The following DNAAF9 variants were observed in gnomAD, a reference collection of about 807,000 sequenced individuals.
DNAAF9 encodes dynein axonemal assembly factor 9.
In DNAAF9, 90 loss-of-function variants were observed where a neutral mutation model predicts 167.0. The observed-to-expected ratio is 0.54, with a 90% CI of 0.45 to 0.64. DNAAF9 has a LOEUF of 0.64. DNAAF9 is among the 30% of genes least tolerant of loss of function. DNAAF9 has a pLI of 0.00. For missense variants in DNAAF9, 1,315 were observed against 1,442.2 expected, an observed-to-expected ratio of 0.91 and a Z score of 1.43; for synonymous variants, 491 against 508.8, an observed-to-expected ratio of 0.96 and a Z score of 0.47.
At chr20:3,337,587 G>T (rs938601284) in intron 10 of DNAAF9, among the ~76,000 whole-genome samples, 5 of 152,054 alleles carry the variant, frequency 3.3e-5, no homozygotes, top group African/African-American at 1.2e-4. Context: ...TTCTGTTAGT[G>T]CTGGCACTGA....
chr20:3,319,098 A>AG (rs1310231669), intron 16 of DNAAF9, among the ~76,000 whole-genome samples: 2 of 128,524 alleles, frequency 1.6e-5, no homozygotes, highest in African/African-American at 6.0e-5. Context: ...AAAAAAAAAA[A>AG]AAAAAAGAAA....
In DNAAF9 at chr20:3,250,571, G is replaced by A. The variant is rs778899831; in HGVS notation, c.*2001C>T. ...CTCTAAGAGGAGAGGAGTTGGGACA[G>A]TGGGGCAAGTTGGTGAGAGAGCATT... On this transcript the variant is annotated 3_prime_UTR_variant, in exon 37 of 37. Coordinates refer to ENST00000252032, the MANE Select transcript of DNAAF9 (RefSeq NM_001009984.3). 1 of 152,268 alleles carries A rather than the reference G, an allele frequency of 6.6e-6. No individual in the cohort carries two copies. Among genetic ancestry groups the A allele is most frequent in the Non-Finnish European group, 1.5e-5 (1 of 68,058 alleles). The allele number at this position is 152,268 out of a possible 1,614,324, so 9.4% of individuals were successfully genotyped here.
chr20:3,395,543 G>A (rs1488030920), intron 1 of DNAAF9, among the ~76,000 whole-genome samples: 2 of 152,140 alleles, frequency 1.3e-5, no homozygotes, highest in East Asian at 3.9e-4. Flanking sequence ...GCCTCCTAAA[G>A]TGCTGGGGTT....
chr20:3,307,543 C>G (rs1227968521), intron 20 of DNAAF9, among the ~76,000 whole-genome samples: 7 of 151,990 alleles, frequency 4.6e-5, no homozygotes, highest in Admixed American at 3.9e-4. Flanking sequence ...TCACAGGGGC[C>G]AGGGCAGCCA....
In DNAAF9 at chr20:3,290,106, G is replaced by A. The variant is rs187593693; in HGVS notation, c.2327+23C>T. 3.1e-5 allele frequency: 47 copies of A among 1,503,916 alleles called. No individual in the cohort carries two copies. In the African/African-American group the frequency reaches 6.2e-4, roughly 20 times the overall value. The allele number at this position is 1,503,916 out of a possible 1,614,324, so 93.2% of individuals were successfully genotyped here. On this transcript the variant is annotated intron_variant, in intron 26 of 36. Transcript: ENST00000252032. ...CCAAGTTAGAATCCCTTTCCCCAAA[G>A]CAAAGGCATCAGCCATACTAACCTG...
chr20:3,277,082 C>T (rs148054555), intron 29 of DNAAF9, among the ~76,000 whole-genome samples: 2 of 152,166 alleles, frequency 1.3e-5, no homozygotes, highest in East Asian at 3.9e-4. Context: ...ATTCTCTAGC[C>T]ATCTTCCTTT....
chr20:3,328,147 C>T (rs1484286944), intron 12 of DNAAF9, among the ~76,000 whole-genome samples: 4 of 151,124 alleles, frequency 2.6e-5, no homozygotes, highest in Non-Finnish European at 5.9e-5. Flanking sequence ...GCCACATGGC[C>T]GCTGACCCAT....
In DNAAF9 at chr20:3,270,540, G is replaced by A. The variant is rs2068575362; in HGVS notation, c.2673C>T (p.Phe891=). 1 of 1,612,478 alleles carries A rather than the reference G, an allele frequency of 6.2e-7. No homozygotes were observed. Among genetic ancestry groups the A allele is most frequent in the South Asian group, 1.1e-5 (1 of 91,014 alleles). Residue 891 remains phenylalanine (F), a synonymous_variant, in exon 30 of 37, where the codon TTC becomes TTT. Coordinates refer to ENST00000252032, the MANE Select transcript of DNAAF9 (RefSeq NM_001009984.3). ...GCCGCTGCTCCGTGGTGTGACTGGTGAATACCACGTTACTCACCAGGCCTG... is the reference window on the plus strand; with the variant it reads ...GCCGCTGCTCCGTGGTGTGACTGGTAAATACCACGTTACTCACCAGGCCTG... The part of the protein sequence containing the change: ...CSQGLVSNVV[F]TSHTTEQRHP...
chr20:3,368,104 T>G (rs896461409), intron 6 of DNAAF9, among the ~76,000 whole-genome samples: 3 of 98,060 alleles, frequency 3.1e-5, no homozygotes, highest in Non-Finnish European at 6.7e-5. Context: ...ACCACACACA[T>G]GACTGCACTG....
chr20:3,281,535 A>G (rs17698336), intron 28 of DNAAF9, 106 bp downstream of exon 28: 108,123 of 1,063,662 alleles, frequency 0.1, 6,258 homozygotes, highest in Middle Eastern at 0.13. Context: ...AAAGAACAGC[A>G]TTTACTACAT....
At position 3,290,185 on chromosome 20, in the gene DNAAF9, G is replaced by A. The variant is rs2068926260; in HGVS notation, c.2271C>T (p.Gly757=). 6 of 1,612,760 alleles carry A rather than the reference G, an allele frequency of 3.7e-6. No homozygotes were observed. The East Asian group carries it at 1.3e-4, about 36-fold the overall frequency. The change falls in exon 26 of 37, where the codon GGC becomes GGT. Residue 757 remains glycine, a synonymous_variant. Coordinates refer to ENST00000252032, the MANE Select transcript of DNAAF9 (RefSeq NM_001009984.3). ...VIISIVTGLP[G]CHASELCAFL... ...AAGCACAGAGCTCGCTAGCGTGACA[G>A]CCTGGGAGGCCGGTTACAATGCTGA...
At chr20:3,381,696 C>G (rs1377641895) in intron 2 of DNAAF9, among the ~76,000 whole-genome samples, 198 bp from the exon 3 acceptor site, 1 of 152,160 alleles carries the variant, frequency 6.6e-6, no homozygotes, top group African/African-American at 2.4e-5. Flanking sequence ...TGAATTCCAA[C>G]GTCTTGTAAT....
Position 3,371,504 on chromosome 20 carries a change from C to T in DNAAF9, c.612+2544G>A, listed in dbSNP as rs368836922. On this transcript the variant is annotated intron_variant, in intron 6 of 36. Transcript: ENST00000252032. ...GACTACAGGCGCCTGCCACCACGCC[C>T]GGCTAATTTTTTGTATTTTTAGTAG... is the stretch of plus-strand genomic sequence containing the variant. 5.5e-3 allele frequency among the ~76,000 whole-genome samples: 831 copies of T among 151,792 alleles called. 2 individuals carry two copies. Among genetic ancestry groups the T allele is most frequent in the Middle Eastern group, 6.8e-3 (2 of 294 alleles).
intron 30 of DNAAF9, among the ~76,000 whole-genome samples, chr20:3,267,829 T>C (rs1290565767): frequency 2.0e-5 from 3 of 152,142 alleles, no homozygotes; most frequent in South Asian, 2.1e-4. Flanking sequence ...AGCAAGACTC[T>C]GTCTAAATAA....
Position 3,315,192 on chromosome 20 carries a change from C to A in DNAAF9, c.1591-72G>T. On this transcript the variant is annotated intron_variant, in intron 19 of 36. Transcript: ENST00000252032. The surrounding 1 kb of genome is among the most constrained non-coding windows in gnomAD (Gnocchi z 4.1). The stretch of plus-strand genomic sequence containing the variant: ...TTTATAGCATAAATATTCACAGAAT[C>A]AAAAGTCCTGCCCAATTATGTCCGT... 1.1e-6 allele frequency: 1 copy of A among 947,734 alleles called. No homozygotes were observed. The highest frequency in any genetic ancestry group is 1.3e-5 in the South Asian group (1 of 76,428). 58.7% of individuals were successfully genotyped at this position (947,734 alleles called of 1,614,324 possible).
chr20:3,264,973 T>C (rs1352118455), intron 30 of DNAAF9, among the ~76,000 whole-genome samples: 1 of 152,214 alleles, frequency 6.6e-6, no homozygotes, highest in Non-Finnish European at 1.5e-5. Flanking sequence ...GCTGTACTCA[T>C]CATGATATTT....
At chr20:3,392,668 CA>C (rs1301611793) in intron 1 of DNAAF9, among the ~76,000 whole-genome samples, 4 of 152,302 alleles carry the variant, frequency 2.6e-5, no homozygotes, top group African/African-American at 9.6e-5. Flanking sequence ...GCTTTTATAA[CA>C]ACTGTGCATG....
At chr20:3,402,222 A>C (rs1568652289) in intron 1 of DNAAF9, among the ~76,000 whole-genome samples, 2 of 152,210 alleles carry the variant, frequency 1.3e-5, no homozygotes, top group Non-Finnish European at 2.9e-5. Context: ...TCATGGTGCT[A>C]GAAAATTTCA....
Position 3,294,677 on chromosome 20 carries a change from T to G in DNAAF9, c.2019-48A>C. ...ATTAGAAGTCCATCTTCCTTCAGCA[T>G]ATACACTTTACACAACTGGGCCTGA... is the stretch of plus-strand genomic sequence containing the variant. On this transcript the variant is annotated intron_variant, in intron 23 of 36. Transcript: ENST00000252032. 3 of 1,242,338 alleles carry G rather than the reference T, an allele frequency of 2.4e-6. No individual in the cohort carries two copies. In the East Asian group the frequency reaches 7.0e-5, roughly 29 times the overall value. The allele number at this position is 1,242,338 out of a possible 1,614,324, so 77.0% of individuals were successfully genotyped here.
Sources: gnomAD v4.1 joint callset for allele counts (sites outside exome capture counted in the v4.1 genomes callset) on GRCh38, gnomAD v4.1.1 for gene constraint, Gnocchi (gnomAD v3.1) non-coding constraint, MANE v1.5 for transcripts, NCBI Gene and HGNC (gene_info 2026-07-23, HGNC 2026-07-21) for gene names.